Variants in SLC3A1 observed in about 807,000 individuals in gnomAD.
SLC3A1 encodes amino acid transporter heavy chain SLC3A1.
Under a neutral mutation model 60.3 loss-of-function variants are expected in SLC3A1, and 78 were observed. The observed-to-expected ratio is 1.29, with a 90% CI of 1.08 to 1.56. SLC3A1 has a LOEUF of 1.56. Ranked by LOEUF, SLC3A1 falls within the 40% of genes most tolerant of loss-of-function variation. The pLI is 0.00. For missense variants in SLC3A1, 1,172 were observed against 858.9 expected, an observed-to-expected ratio of 1.36 and a Z score of -4.56; for synonymous variants, 392 against 307.9, an observed-to-expected ratio of 1.27 and a Z score of -2.86.
chr2:44,303,548 T>G (rs1336269436), intron 6 of SLC3A1, among the ~76,000 whole-genome samples: 1 of 58,962 alleles, frequency 1.7e-5, no homozygotes, highest in African/African-American at 6.9e-5. Context: ...CCAAATGTGT[T>G]TCATTTTTTT....
At chr2:44,317,919 A>G in intron 9 of SLC3A1, 1 of 247,892 alleles carries the variant, frequency 4.0e-6, no homozygotes, top group Non-Finnish European at 8.2e-6. Context: ...AAGAAACACT[A>G]ACATAAAACA....
chr2:44,286,943 T>C (rs1264222411), intron 4 of SLC3A1, among the ~76,000 whole-genome samples: 1 of 152,224 alleles, frequency 6.6e-6, no homozygotes, highest in Non-Finnish European at 1.5e-5. Context: ...TATTTGGCTT[T>C]CATGTCTTAG....
chr2:44,308,682 T>C (rs1417311383), intron 7 of SLC3A1, among the ~76,000 whole-genome samples: 1 of 152,184 alleles, frequency 6.6e-6, no homozygotes, highest in Non-Finnish European at 1.5e-5. Context: ...TCCTAAAACA[T>C]TGCTGAACTT....
chr2:44,287,520 A>C (rs529147709), intron 4 of SLC3A1, among the ~76,000 whole-genome samples: 1 of 152,328 alleles, frequency 6.6e-6, no homozygotes, highest in African/African-American at 2.4e-5. Context: ...AACATTTGAG[A>C]CATACTGCTA....
rs561670371 is a variant in SLC3A1 at position 44,314,022 on chromosome 2, C to T, written c.1617+71C>T. 5 of 1,605,634 alleles carry T rather than the reference C, an allele frequency of 3.1e-6. No homozygotes were observed. In the African/African-American group the frequency reaches 5.3e-5, roughly 17 times the overall value. On this transcript the variant is annotated intron_variant, in intron 9 of 9. Coordinates refer to ENST00000260649, the MANE Select transcript of SLC3A1 (RefSeq NM_000341.4). ...TGGGTTTCTACTGAAAGTACACACT[C>T]ACCCTGAATGTGTCTAAACCTTAAC...
intron 4 of SLC3A1, among the ~76,000 whole-genome samples, chr2:44,290,106 G>A (rs2104348328): frequency 6.9e-6 from 1 of 144,210 alleles, no homozygotes. Context: ...TATAGGGTGT[G>A]AAGGTAAGCT....
chr2:44,285,877 A>C, intron 3 of SLC3A1, 155 bp from the exon 4 acceptor site: 1 of 909,044 alleles, frequency 1.1e-6, no homozygotes, highest in Non-Finnish European at 1.8e-6. Flanking sequence ...GGTGGGGGGT[A>C]TTTGGAAGGG....
rs200436145 is a variant in SLC3A1, at chr2:44,320,349, G to A, written c.1768G>A (p.Asp590Asn). 135 of 1,614,078 alleles carry A rather than the reference G, an allele frequency of 8.4e-5. No individual in the cohort carries two copies. In the African/African-American group the frequency reaches 1.3e-3, roughly 16 times the overall value. Residue 590 changes from aspartate (D) to asparagine (N), a missense_variant, in exon 10 of 10, where the codon GAC becomes AAC. By Grantham distance (23) the Asp-to-Asn change is conservative. Transcript: ENST00000260649. The stretch of plus-strand genomic sequence containing the variant: ...GTACACAAGAGAGCTGGATGGCATC[G>A]ACAGAATCTTTATCGTGGTTCTGAA... ...VVYTRELDGIDRIFIVVLNFG... is the reference protein window; with the variant it reads ...VVYTRELDGINRIFIVVLNFG...
chr2:44,311,670 A>AATG (rs1219595383), intron 7 of SLC3A1, among the ~76,000 whole-genome samples: 1 of 152,026 alleles, frequency 6.6e-6, no homozygotes, highest in Non-Finnish European at 1.5e-5. Context: ...AATACTTCAC[A>AATG]ATGGTCTATA....
intron 4 of SLC3A1, 48 bp from the exon 5 acceptor site, chr2:44,299,923 A>G (rs1299006704): frequency 6.2e-7 from 1 of 1,605,006 alleles, no homozygotes; most frequent in African/African-American, 1.3e-5. Flanking sequence ...AAACGTTGTG[A>G]TAATAACGTA....
intron 7 of SLC3A1, among the ~76,000 whole-genome samples, chr2:44,306,710 C>T (rs1672167131): frequency 6.6e-6 from 1 of 151,700 alleles, no homozygotes; most frequent in African/African-American, 2.4e-5. Flanking sequence ...CCCACCACCA[C>T]ACCCAGCTAA....
intron 4 of SLC3A1, among the ~76,000 whole-genome samples, chr2:44,296,952 C>G (rs1671865711): frequency 6.6e-6 from 1 of 152,166 alleles, no homozygotes; most frequent in Non-Finnish European, 1.5e-5. Context: ...TCCTCATTCG[C>G]CTTCTGCCAT....
intron 6 of SLC3A1, among the ~76,000 whole-genome samples, chr2:44,302,955 T>C (rs1055656261): frequency 6.6e-6 from 1 of 152,004 alleles, no homozygotes; most frequent in African/African-American, 2.4e-5. Context: ...TCCCAATAGT[T>C]TGGGAGGCCA....
intron 2 of SLC3A1, 74 bp downstream of exon 2, chr2:44,280,969 C>G (rs773789756): frequency 3.6e-5 from 46 of 1,281,720 alleles, no homozygotes; most frequent in Non-Finnish European, 5.0e-5. Flanking sequence ...TTACTTAAAG[C>G]ATTTCTTCTC....
intron 7 of SLC3A1, among the ~76,000 whole-genome samples, chr2:44,306,664 C>T (rs1192979294): frequency 1.3e-5 from 2 of 150,126 alleles, no homozygotes; most frequent in Non-Finnish European, 2.9e-5. Flanking sequence ...AGTAATTCTC[C>T]TGCCTCAGCC....
intron 7 of SLC3A1, among the ~76,000 whole-genome samples, chr2:44,309,365 T>G (rs1018889577): frequency 1.3e-5 from 2 of 152,234 alleles, no homozygotes; most frequent in Admixed American, 1.3e-4. Flanking sequence ...TCAACTTTCC[T>G]TCATACATAC....
chr2:44,302,115 A>G (rs561085178), intron 6 of SLC3A1, among the ~76,000 whole-genome samples: 236 of 152,252 alleles, frequency 1.6e-3, no homozygotes, highest in African/African-American at 5.4e-3. Flanking sequence ...TTGTTATTGG[A>G]TCTATAGTTT....
downstream of SLC3A1, chr2:44,321,860 T>A (rs1377451871): frequency 6.2e-7 from 1 of 1,613,756 alleles, no homozygotes; most frequent in Admixed American, 1.7e-5. Flanking sequence ...CATGATTGCC[T>A]CCAGGCTGAA....
chr2:44,301,621 C>T (rs1485794108), intron 6 of SLC3A1, among the ~76,000 whole-genome samples: 1 of 151,536 alleles, frequency 6.6e-6, no homozygotes, highest in Non-Finnish European at 1.5e-5. Flanking sequence ...TGCCTGTAAT[C>T]CCAGCTACTT....
Sources: allele counts gnomAD v4.1 joint callset (sites outside exome capture counted in the v4.1 genomes callset), GRCh38; gene constraint gnomAD v4.1.1; transcripts MANE v1.5; gene names NCBI Gene and HGNC (gene_info 2026-07-23, HGNC 2026-07-21).